ALG9: variants seen among roughly 807,000 people sequenced by gnomAD.
ALG9 encodes alpha-1,2-mannosyltransferase ALG9.
Under a neutral mutation model 81.8 loss-of-function variants are expected in ALG9, and 55 were observed. The observed-to-expected ratio is 0.67, with a 90% CI of 0.54 to 0.84. The LOEUF (loss-of-function observed/expected upper bound fraction) is 0.84. ALG9 is among the 40% of genes least tolerant of loss of function. ALG9 has a pLI of 0.00. For synonymous variants in ALG9, 278 were observed against 274.3 expected (o/e 1.01, Z -0.13); for missense variants, 629 against 745.0 (o/e 0.84, Z 1.81).
chr11:111,798,703 A>C (rs2136292830), intron 14 of ALG9, among the ~76,000 whole-genome samples: 1 of 152,332 alleles, frequency 6.6e-6, no homozygotes, highest in Middle Eastern at 3.4e-3. Flanking sequence ...TCCGCATCCT[A>C]AGAGTTTGAT....
At chr11:111,811,434 T>C (rs1242008485) in intron 13 of ALG9, among the ~76,000 whole-genome samples, 3 of 151,646 alleles carry the variant, frequency 2.0e-5, no homozygotes, top group African/African-American at 4.8e-5. Context: ...TCCCAGCTAC[T>C]TGGGAGGCTG....
intron 14 of ALG9, among the ~76,000 whole-genome samples, chr11:111,789,039 C>T (rs868948094): frequency 5.3e-5 from 8 of 151,492 alleles, no homozygotes; most frequent in Middle Eastern, 3.2e-3. Flanking sequence ...GACAGGGTCT[C>T]ACTATTTTGC....
At chr11:111,853,094 G>C (rs1223276627) in intron 8 of ALG9, among the ~76,000 whole-genome samples, 1 of 138,882 alleles carries the variant, frequency 7.2e-6, no homozygotes, top group African/African-American at 2.7e-5. Flanking sequence ...AAAAAAAAAA[G>C]CATCAAAAGC....
downstream of ALG9, among the ~76,000 whole-genome samples, chr11:111,781,304 C>CA (rs1179005946): frequency 8.1e-4 from 123 of 151,624 alleles, no homozygotes; most frequent in Non-Finnish European, 1.6e-3. Flanking sequence ...AATTCATTTA[C>CA]AAAAAAAAAT....
At chr11:111,821,794 C>T (rs1420009646) in intron 13 of ALG9, among the ~76,000 whole-genome samples, 1 of 152,096 alleles carries the variant, frequency 6.6e-6, no homozygotes, top group Non-Finnish European at 1.5e-5. Context: ...TGTCACCACG[C>T]CCAGCTAATT....
chr11:111,871,508 G>A lies in ALG9; in HGVS notation c.-26C>T, dbSNP rs570877727. The A allele has an allele frequency of 9.8e-5, 151 of 1,535,396 alleles. No homozygotes were observed. Among genetic ancestry groups the A allele is most frequent in the African/African-American group, 2.1e-4 (15 of 73,090 alleles). ...GGCAAGCCTGGGGAAAAAAGAATTC[G>A]GCACCCTATGAAGTCGGTGAGCGCG... On this transcript the variant is annotated 5_prime_UTR_variant, in exon 1 of 15. Coordinates refer to ENST00000616540, the MANE Select transcript of ALG9 (RefSeq NM_024740.2).
chr11:111,853,672 G>A lies in ALG9; in HGVS notation c.766C>T (p.Leu256=). ...ACCAGAAATAGTATGAGGGCCATCA[G>A]CGACCAATGAAAGAAACTCTTCCAC... ...HRWKSFFHWS[L]MALILFLVPV... Residue 256 remains leucine, a synonymous_variant, in exon 7 of 15, where the codon CTG becomes TTG. Transcript: ENST00000616540. The A allele has an allele frequency of 6.2e-7, 1 of 1,614,166 alleles. No homozygotes were observed. The highest frequency in any genetic ancestry group is 1.3e-5 in the African/African-American group (1 of 75,046).
intron 13 of ALG9, among the ~76,000 whole-genome samples, chr11:111,828,250 G>C (rs781949114): frequency 2.6e-5 from 4 of 152,162 alleles, no homozygotes; most frequent in Non-Finnish European, 4.4e-5. Flanking sequence ...TTGTCTTCTT[G>C]AGCCAGTGAT....
intron 14 of ALG9, among the ~76,000 whole-genome samples, chr11:111,807,132 G>A (rs868974913): frequency 6.6e-6 from 1 of 152,134 alleles, no homozygotes; most frequent in South Asian, 2.1e-4. Flanking sequence ...TCTCAGCACA[G>A]AACTGAAAAT....
At chr11:111,839,811 T>C (rs900390407) in intron 10 of ALG9, among the ~76,000 whole-genome samples, 3 of 152,148 alleles carry the variant, frequency 2.0e-5, no homozygotes, top group Admixed American at 6.6e-5. Context: ...TTGATGAACC[T>C]TGAAAACATT....
rs1214475939 is a variant in ALG9 at position 111,871,341 on chromosome 11, C to A, written c.131+11G>T. The A allele has an allele frequency of 1.5e-5, 22 of 1,492,052 alleles. No homozygotes were observed. The highest frequency in any genetic ancestry group is 2.7e-5 in the East Asian group (1 of 37,202). The allele number at this position is 1,492,052 out of a possible 1,614,324, so 92.4% of individuals were successfully genotyped here. Reference sequence around the variant, plus strand: ...CCGGCCGGCCACGCCCCTGCCGCGCCGCACACGTACTCGGTCCGGTGCTCC... The same window carrying A: ...CCGGCCGGCCACGCCCCTGCCGCGCAGCACACGTACTCGGTCCGGTGCTCC... On this transcript the variant is annotated intron_variant, in intron 1 of 14. Coordinates refer to ENST00000616540, the MANE Select transcript of ALG9 (RefSeq NM_024740.2).
intron 9 of ALG9, among the ~76,000 whole-genome samples, chr11:111,842,565 G>C (rs1306565745): frequency 6.6e-6 from 1 of 151,914 alleles, no homozygotes; most frequent in Non-Finnish European, 1.5e-5. Context: ...GGGACTACAG[G>C]TGTGCATCGC....
chr11:111,871,463 C>A lies in ALG9; in HGVS notation c.20G>T (p.Arg7Leu). The A allele has an allele frequency of 6.5e-7, 1 of 1,536,690 alleles. No homozygotes were observed. The highest frequency in any genetic ancestry group is 1.2e-5 in the South Asian group (1 of 83,998). Residue 7 changes from arginine to leucine, a missense_variant, in exon 1 of 15, where the codon CGG becomes CTG. By Grantham distance (102) the Arg-to-Leu change is moderately radical. Coordinates refer to ENST00000616540, the MANE Select transcript of ALG9 (RefSeq NM_024740.2). ...GGCCCCGCTGCCCTTCAGGCGCTGC[C>A]GAGCCCCTCGACTAGCCATGGCAAG... is the stretch of plus-strand genomic sequence containing the variant. MASRGA[R>L]QRLKGSGASS...
chr11:111,769,615 T>TG, the ALG9 span, among the ~76,000 whole-genome samples: 4 of 116,140 alleles, frequency 3.4e-5, no homozygotes, highest in African/African-American at 1.1e-4. Flanking sequence ...AGACCCTGTC[T>TG]CAAAAAAAAA....
chr11:111,842,859 T>TTTATCATACTG (rs1956431860), intron 9 of ALG9, among the ~76,000 whole-genome samples: 1 of 152,218 alleles, frequency 6.6e-6, no homozygotes, highest in Non-Finnish European at 1.5e-5. Context: ...TACTTAAAAT[T>TTTATCATACTG]TTATCATACT....
intron 1 of ALG9, 116 bp from the exon 2 acceptor site, chr11:111,870,486 A>C (rs1436802376): frequency 9.2e-6 from 12 of 1,301,436 alleles, no homozygotes; most frequent in Non-Finnish European, 1.2e-5. Context: ...CAAAGCACTT[A>C]AGTTATTCAC....
At chr11:111,794,916 T>A (rs1948015805) in intron 14 of ALG9, among the ~76,000 whole-genome samples, 1 of 152,228 alleles carries the variant, frequency 6.6e-6, no homozygotes, top group Admixed American at 6.5e-5. Flanking sequence ...AGTCAACCTA[T>A]AGTTCCATAT....
chr11:111,804,132 C>CAAAAAA (rs140492079), intron 14 of ALG9, among the ~76,000 whole-genome samples: 2 of 85,360 alleles, frequency 2.3e-5, no homozygotes, highest in Non-Finnish European at 4.6e-5. Context: ...GACTCCATCT[C>CAAAAAA]AAAAAAAAAA....
At chr11:111,817,518 C>G (rs1555098730) in intron 13 of ALG9, 1 of 152,058 alleles carries the variant, frequency 6.6e-6, no homozygotes, top group East Asian at 1.9e-4. Flanking sequence ...AAATAAAAAA[C>G]AAAACTCACT....
Sources: allele counts gnomAD v4.1 joint callset (sites outside exome capture counted in the v4.1 genomes callset), GRCh38; gene constraint gnomAD v4.1.1; transcripts MANE v1.5; gene names NCBI Gene and HGNC (gene_info 2026-07-23, HGNC 2026-07-21).